The following RPP21 variants were observed in gnomAD, a reference collection of about 807,000 sequenced individuals.
RPP21 encodes the protein ribonuclease P protein subunit p21.
A neutral mutation model predicts 19.0 loss-of-function variants in RPP21; 21 were observed. The ratio of observed to expected loss-of-function variants is 1.11; its 90% CI spans 0.78 to 1.59. The LOEUF (loss-of-function observed/expected upper bound fraction) is 1.59, where lower values mean the gene tolerates loss of function less well. Among genes scored for constraint, RPP21 ranks in the 40% most tolerant of loss-of-function variants. RPP21 has a pLI of 0.00. For synonymous variants in RPP21, 93 were observed against 78.7 expected (o/e 1.18, Z -0.96); for missense variants, 215 against 200.2 (o/e 1.07, Z -0.45).
In RPP21 at chr6:30,345,485, C is replaced by G; in HGVS notation, c.159-6C>G. ...GCGCCAGACCACTATCCTCCTCCGC[C>G]CCCAGGGATCCCTCGGTGAAGAGGA... On this transcript the variant is annotated splice_region_variant and splice_polypyrimidine_tract_variant and intron_variant, in intron 2 of 4. Coordinates refer to ENST00000442966, the MANE Select transcript of RPP21 (RefSeq NM_024839.4). The G allele has an allele frequency of 6.2e-7, 1 of 1,609,242 alleles. No individual in the cohort carries two copies.
intron 3 of RPP21, 119 bp downstream of exon 3, chr6:30,345,692 T>G: frequency 8.4e-7 from 1 of 1,190,676 alleles, no homozygotes; most frequent in Non-Finnish European, 1.1e-6. Flanking sequence ...ATGTTGGGTG[T>G]GGGATTCGCA....
chr6:30,346,235 G>A lies in RPP21; in HGVS notation c.242-197G>A. ...AGGCCAGTTCTTGAAGTCTTGTTAG[G>A]GAGTTTGAACTTTATCTTAAAGAGT... On this transcript the variant is annotated intron_variant, in intron 3 of 4. Transcript: ENST00000442966. This position sits in a 1 kb window ranked among gnomAD's most constrained non-coding sequence, Gnocchi z 4.7. The A allele has an allele frequency of 5.3e-6, 5 of 951,658 alleles. No homozygotes were observed. In the South Asian group the frequency reaches 6.2e-5, roughly 12 times the overall value. The allele number at this position is 951,658 out of a possible 1,614,324, so 59.0% of individuals were successfully genotyped here.
rs750202384 is a variant in RPP21, at chr6:30,345,572, A to T, written c.240A>T (p.Arg80Ser). ...VPGLTCTQRQ[R>S]RCRGQRWTVQ... ...GCCTCACCTGCACCCAGCGCCAGAG[A>T]CGTGAGTGCTCCAACGGAGGTGGAA... The change falls in exon 3 of 5, where the codon AGA becomes AGT. Residue 80 changes from arginine to serine, a missense_variant and splice_region_variant. Transcript: ENST00000442966. The T allele has an allele frequency of 2.7e-6, 4 of 1,456,290 alleles. No homozygotes were observed. In the South Asian group the frequency reaches 4.8e-5, roughly 17 times the overall value. The allele number at this position is 1,456,290 out of a possible 1,614,324, so 90.2% of individuals were successfully genotyped here. A position where few individuals can be genotyped will look rare whatever the true frequency, so the allele number is the denominator to read the frequency against.
At chr6:30,345,954 C>A in intron 3 of RPP21, 1 of 248,576 alleles carries the variant, frequency 4.0e-6, no homozygotes, top group Non-Finnish European at 7.7e-6. Context: ...TCATTATTCT[C>A]ATTGAAATTA....
At chr6:30,345,466 G>A (rs753927512) in intron 2 of RPP21, 25 bp from the exon 3 acceptor site, 1 of 1,610,848 alleles carries the variant, frequency 6.2e-7, no homozygotes, top group Non-Finnish European at 8.5e-7. Context: ...GCGGGCGCCA[G>A]ACCACTATCC....
chr6:30,345,319 C>T lies in RPP21; in HGVS notation c.79C>T (p.Gln27Ter), dbSNP rs1787993836. The T allele has an allele frequency of 6.2e-7, 1 of 1,613,670 alleles. No individual in the cohort carries two copies. The highest frequency in any genetic ancestry group is 1.3e-5 in the African/African-American group (1 of 75,024). Residue 27 changes from glutamine (Q) to a stop codon, truncating the protein, a stop_gained, in exon 2 of 5, where the codon CAG (glutamine) becomes TAG (stop). Transcript: ENST00000442966. LOFTEE classifies it high-confidence loss of function. ...LYQAAHCVLAQDPENQALARF... is the reference protein window; with the variant it reads ...LYQAAHCVLA ...GCAGGCCGCCCATTGTGTCCTTGCC[C>T]AGGACCCCGAGAACCAGGCGCTGGC...
rs758625651 is a variant in RPP21 at position 30,345,189 on chromosome 6, G to A, written c.18G>A (p.Lys6=). The A allele has an allele frequency of 1.0e-5, 16 of 1,569,894 alleles. No homozygotes were observed. In the East Asian group the frequency reaches 2.8e-4, roughly 27 times the overall value. The change falls in exon 1 of 5, where the codon AAG becomes AAA. Residue 6 remains lysine, a synonymous_variant. Transcript: ENST00000442966. ...CGGCGGTGATGGCGGGGCCGGTGAA[G>A]GACCGCGAGGCCTTCCAGAGGCTCA... MAGPV[K]DREAFQRLNF... is the part of the protein sequence containing the mutation.
rs767424727 is a variant in RPP21, at chr6:30,345,590, AG to A, written c.241+19del. 1 of 1,171,646 alleles carries A rather than the reference AG, an allele frequency of 8.5e-7. No individual in the cohort carries two copies. Among genetic ancestry groups the A allele is most frequent in the South Asian group, 1.5e-5 (1 of 66,300 alleles). 72.6% of individuals were successfully genotyped at this position (1,171,646 alleles called of 1,614,324 possible). A position where few individuals can be genotyped will look rare whatever the true frequency, so the allele number is the denominator to read the frequency against. On this transcript the variant is annotated intron_variant, in intron 3 of 4. Transcript: ENST00000442966. The stretch of plus-strand genomic sequence containing the variant: ...GCCAGAGACGTGAGTGCTCCAACGG[AG>A]GTGGAAGACTGCGGAGCATTGGGGG...
chr6:30,345,177 G>A lies in RPP21; in HGVS notation c.6G>A (p.Ala2=). 6.4e-7 allele frequency: 1 copy of A among 1,562,518 alleles called. No homozygotes were observed. The highest frequency in any genetic ancestry group is 8.7e-7 in the Non-Finnish European group (1 of 1,154,980). The change falls in exon 1 of 5, where the codon GCG becomes GCA. Residue 2 remains alanine, a synonymous_variant. Coordinates refer to ENST00000442966, the MANE Select transcript of RPP21 (RefSeq NM_024839.4). ...GGCCCTGGAGCGCGGCGGTGATGGC[G>A]GGGCCGGTGAAGGACCGCGAGGCCT... M[A]GPVKDREAFQ... is the part of the protein sequence containing the mutation.
intron 3 of RPP21, 37 bp downstream of exon 3, chr6:30,345,610 TTGGGGGCGCGGA>T (rs755859452): frequency 2.5e-5 from 26 of 1,037,360 alleles, no homozygotes; most frequent in Non-Finnish European, 3.1e-5. Flanking sequence ...CTGCGGAGCA[TTGGGGGCGCGGA>T]GGGGGGCGGG....
In RPP21 at chr6:30,346,302, C is replaced by CAAAT. The variant is rs1180020330; in HGVS notation, c.242-129_242-126dup. On this transcript the variant is annotated intron_variant, in intron 3 of 4. Transcript: ENST00000442966. The surrounding 1 kb of genome is among the most constrained non-coding windows in gnomAD (Gnocchi z 4.7). ...AGCTTATGCCGAGGCCTGACACCAT[C>CAAAT]AAATGTGCATTCAAATTGGGGGTGT... The CAAAT allele has an allele frequency of 1.0e-5, 15 of 1,483,352 alleles. No homozygotes were observed. Among genetic ancestry groups the CAAAT allele is most frequent in the Non-Finnish European group, 1.4e-5 (15 of 1,098,304 alleles). 91.9% of individuals were successfully genotyped at this position (1,483,352 alleles called of 1,614,324 possible). A position where few individuals can be genotyped will look rare whatever the true frequency, so the allele number is the denominator to read the frequency against.
Position 30,346,266 on chromosome 6 carries a change from G to A in RPP21, c.242-166G>A, listed in dbSNP as rs1028313393. ...TGAACTTTATCTTAAAGAGTTCCAG[G>A]AAATCGATGGAGCTTATGCCGAGGC... On this transcript the variant is annotated intron_variant, in intron 3 of 4. Coordinates refer to ENST00000442966, the MANE Select transcript of RPP21 (RefSeq NM_024839.4). The surrounding 1 kb of genome is among the most constrained non-coding windows in gnomAD (Gnocchi z 4.7). The A allele has an allele frequency of 9.7e-5, 116 of 1,197,048 alleles. No homozygotes were observed. The African/African-American group carries it at 1.7e-3, about 17-fold the overall frequency. 74.2% of individuals were successfully genotyped at this position (1,197,048 alleles called of 1,614,324 possible).
intron 3 of RPP21, 127 bp downstream of exon 3, chr6:30,345,700 G>A: frequency 2.7e-6 from 3 of 1,114,426 alleles, no homozygotes; most frequent in Non-Finnish European, 3.7e-6. Context: ...TGTGGGATTC[G>A]CAGGAGTCTT....
In RPP21 at chr6:30,346,441, G is replaced by A. The variant is rs770234824; in HGVS notation, c.251G>A (p.Gly84Glu). The stretch of plus-strand genomic sequence containing the variant: ...CCCATGTTCACCCTAGGCTGCAGGG[G>A]ACAGCGCTGGACCGTACAGACCTGC... ...TCTQRQRRCR[G>E]QRWTVQTCLT... Residue 84 changes from glycine to glutamate, a missense_variant, in exon 4 of 5, where the codon GGA (glycine) becomes GAA (glutamate). Physicochemically the swap from Gly to Glu is moderately conservative, Grantham distance 98. Transcript: ENST00000442966. The surrounding 1 kb of genome is among the most constrained non-coding windows in gnomAD (Gnocchi z 4.7). 2.5e-6 allele frequency: 4 copies of A among 1,614,058 alleles called. No individual in the cohort carries two copies. In the East Asian group the frequency reaches 8.9e-5, roughly 36 times the overall value.
chr6:30,346,695 T>C lies in RPP21; in HGVS notation c.368-18T>C. On this transcript the variant is annotated intron_variant, in intron 4 of 4. Transcript: ENST00000442966. The surrounding 1 kb of genome is among the most constrained non-coding windows in gnomAD (Gnocchi z 4.7). ...CAGAAAACTAATTCTGTTTCTCTGA[T>C]TCTGCTCATTTACTCAGATTCCAAA... The C allele has an allele frequency of 6.2e-7, 1 of 1,613,844 alleles. No homozygotes were observed. The highest frequency in any genetic ancestry group is 8.5e-7 in the Non-Finnish European group (1 of 1,180,016).
chr6:30,345,918 A>C, intron 3 of RPP21: 1 of 308,664 alleles, frequency 3.2e-6, no homozygotes, highest in South Asian at 6.0e-5. Context: ...CTTATTTTCT[A>C]AAATGTGTCA....
chr6:30,346,851 C>T lies in RPP21; in HGVS notation c.*41C>T. On this transcript the variant is annotated 3_prime_UTR_variant, in exon 5 of 5. Coordinates refer to ENST00000442966, the MANE Select transcript of RPP21 (RefSeq NM_024839.4). This position sits in a 1 kb window ranked among gnomAD's most constrained non-coding sequence, Gnocchi z 4.7. ...TCCCAAATAAAGTTTACTTGTTTTACATTCCATGATTCTGTTCTGTGGGTA... is the reference window on the plus strand; with the variant it reads ...TCCCAAATAAAGTTTACTTGTTTTATATTCCATGATTCTGTTCTGTGGGTA... 1 of 1,606,572 alleles carries T rather than the reference C, an allele frequency of 6.2e-7. No homozygotes were observed. Among genetic ancestry groups the T allele is most frequent in the Non-Finnish European group, 8.5e-7 (1 of 1,174,542 alleles).
intron 2 of RPP21, 31 bp from the exon 3 acceptor site, chr6:30,345,460 G>C: frequency 1.2e-6 from 2 of 1,610,756 alleles, no homozygotes; most frequent in Non-Finnish European, 1.7e-6. Context: ...GGGAGCGCGG[G>C]CGCCAGACCA....
rs771454588 is a variant in RPP21 at position 30,345,413 on chromosome 6, G to GGGCGGGC, written c.158+25_158+31dup. On this transcript the variant is annotated intron_variant, in intron 2 of 4. Transcript: ENST00000442966. ...GTCTTGCGGCGGTGAGACAGCCACG[G>GGGCGGGC]GGCGGGCGGCGGGCGGGACGCGGGA... 227 of 1,611,788 alleles carry GGGCGGGC rather than the reference G, an allele frequency of 1.4e-4. No individual in the cohort carries two copies. Among genetic ancestry groups the GGGCGGGC allele is most frequent in the Middle Eastern group, 9.9e-4 (6 of 6,078 alleles).
Sources: gnomAD v4.1 joint callset for allele counts on GRCh38, gnomAD v4.1.1 for gene constraint, Gnocchi (gnomAD v3.1) non-coding constraint, MANE v1.5 for transcripts, NCBI Gene and HGNC (gene_info 2026-07-23, HGNC 2026-07-21) for gene names.